Variants in ARHGEF26 observed in about 807,000 individuals in gnomAD.
The protein encoded by ARHGEF26 is Rho guanine nucleotide exchange factor (GEF) 26.
ARHGEF26 carries 59 observed loss-of-function variants against 89.4 expected under a neutral mutation model. The observed-to-expected ratio is 0.66, with a 90% confidence interval of 0.54 to 0.82. The LOEUF is 0.82. ARHGEF26 is among the 40% of genes least tolerant of loss of function. ARHGEF26 has a pLI of 0.00. For missense variants in ARHGEF26, 1,234 were observed against 1,085.6 expected, an observed-to-expected ratio of 1.14 and a Z score of -1.92; for synonymous variants, 500 against 428.4, an observed-to-expected ratio of 1.17 and a Z score of -2.06.
chr3:154,203,484 CTT>C (rs1714793390), intron 9 of ARHGEF26, among the ~76,000 whole-genome samples: 1 of 152,066 alleles, frequency 6.6e-6, no homozygotes, highest in African/African-American at 2.4e-5. Context: ...ATATCATTCT[CTT>C]GTTTGATTGT....
chr3:154,179,019 T>C (rs1444276263), intron 6 of ARHGEF26, among the ~76,000 whole-genome samples: 1 of 152,228 alleles, frequency 6.6e-6, no homozygotes, highest in East Asian at 1.9e-4. Context: ...AGGCCCAGGC[T>C]ATGTTTATAA....
chr3:154,195,467 T>C (rs1175512416), intron 9 of ARHGEF26, among the ~76,000 whole-genome samples: 1 of 152,086 alleles, frequency 6.6e-6, no homozygotes, highest in Non-Finnish European at 1.5e-5. Flanking sequence ...GATAGTTGAT[T>C]AGGCAAGGGA....
At chr3:154,124,560 C>T (rs1246711840) in intron 3 of ARHGEF26, 111 bp downstream of exon 3, 1 of 967,812 alleles carries the variant, frequency 1.0e-6, no homozygotes, top group Non-Finnish European at 1.5e-6. Flanking sequence ...ATATGTCCAA[C>T]TTCTTCTCAA....
intron 9 of ARHGEF26, among the ~76,000 whole-genome samples, chr3:154,217,648 C>T (rs1715851575): frequency 6.6e-6 from 1 of 152,152 alleles, no homozygotes; most frequent in African/African-American, 2.4e-5. Flanking sequence ...TGCAGCTTTC[C>T]CTGAGATAGG....
In ARHGEF26 at chr3:154,149,459, G is replaced by C; in HGVS notation, c.1326+14G>C. 1.2e-6 allele frequency: 2 copies of C among 1,601,066 alleles called. No homozygotes were observed. The highest frequency in any genetic ancestry group is 1.7e-6 in the Non-Finnish European group (2 of 1,173,072). ...AAGAGACAAGAGGTATGTTTCTACC[G>C]AGCAGCTGCTTTAGAGCTCTGGAGT... On this transcript the variant is annotated intron_variant, in intron 5 of 14. Coordinates refer to ENST00000465093, the MANE Select transcript of ARHGEF26 (RefSeq NM_015595.4).
In ARHGEF26 at chr3:154,122,331, A is replaced by T; in HGVS notation, c.339A>T (p.Ser113=). The part of the protein sequence containing the change: ...AASPRLRRPK[S]PKLPKAVPGG... ...CTCCTCGACTTCGACGGCCCAAGTC[A>T]CCCAAGCTCCCCAAAGCGGTGCCTG... Residue 113 remains serine, a synonymous_variant, in exon 2 of 15, where the codon TCA becomes TCT. Transcript: ENST00000465093. 6.2e-7 allele frequency: 1 copy of T among 1,612,670 alleles called. No homozygotes were observed. The highest frequency in any genetic ancestry group is 1.3e-5 in the African/African-American group (1 of 74,994).
chr3:154,194,705 AG>A lies in ARHGEF26; in HGVS notation c.1834del (p.Glu612LysfsTer21), dbSNP rs1714178634. On this transcript the variant is annotated frameshift_variant, in exon 9 of 15. Transcript: ENST00000465093. LOFTEE classifies it high-confidence loss of function. ...TATGAAGTCTGCAAAAGAGCCTTGAAGGAAGTTAGCAAGGTAACTGTTGGGT... is the reference window on the plus strand; with the variant it reads ...TATGAAGTCTGCAAAAGAGCCTTGAAGAAGTTAGCAAGGTAACTGTTGGGT... ...PKYEVCKRALKEVSKLVRLCN... is the reference protein window; with the variant it reads ...PKYEVCKRALXEVSKLVRLCN... 1.2e-6 allele frequency: 2 copies of A among 1,612,484 alleles called. No individual in the cohort carries two copies. The highest frequency in any genetic ancestry group is 8.5e-7 in the Non-Finnish European group (1 of 1,179,250).
chr3:154,253,726 T>C (rs1191698723), intron 13 of ARHGEF26, among the ~76,000 whole-genome samples: 1 of 152,216 alleles, frequency 6.6e-6, no homozygotes, highest in Non-Finnish European at 1.5e-5. Flanking sequence ...GGGGGTGTTG[T>C]ATGCCTATTA....
At chr3:154,189,518 T>C (rs796958371) in intron 7 of ARHGEF26, among the ~76,000 whole-genome samples, 18 of 152,082 alleles carry the variant, frequency 1.2e-4, no homozygotes, top group African/African-American at 4.3e-4. Flanking sequence ...TTTGTATTTT[T>C]AGTAGAGACT....
At chr3:154,209,382 G>T (rs1346067476) in intron 9 of ARHGEF26, among the ~76,000 whole-genome samples, 1 of 152,080 alleles carries the variant, frequency 6.6e-6, no homozygotes, top group African/African-American at 2.4e-5. Context: ...CACTGTTTGG[G>T]CTTATTTGTA....
intron 1 of ARHGEF26, among the ~76,000 whole-genome samples, 176 bp from the exon 2 acceptor site, chr3:154,121,766 T>A (rs1228794385): frequency 6.6e-6 from 1 of 152,174 alleles, no homozygotes; most frequent in African/African-American, 2.4e-5. Context: ...CAGCCCAGAT[T>A]TCTGCCGGGA....
At position 154,225,857 on chromosome 3, in the gene ARHGEF26, C is replaced by A; in HGVS notation, c.1937C>A (p.Pro646His). Reference protein sequence around the residue: ...INSQLEFKIKPFPLVSSSRWL... With the variant: ...INSQLEFKIKHFPLVSSSRWL... Reference sequence around the variant, plus strand: ...CACTGGGTTTTTCTCCTTTTGTAGCCTTTTCCTTTAGTCTCCTCTTCCCGG... The same window carrying A: ...CACTGGGTTTTTCTCCTTTTGTAGCATTTTCCTTTAGTCTCCTCTTCCCGG... The change falls in exon 11 of 15, where the codon CCT (proline) becomes CAT (histidine). Residue 646 changes from proline (P) to histidine (H), a missense_variant and splice_region_variant. Physicochemically the swap from Pro to His is moderately conservative, Grantham distance 77. Coordinates refer to ENST00000465093, the MANE Select transcript of ARHGEF26 (RefSeq NM_015595.4). 1.3e-6 allele frequency: 2 copies of A among 1,590,412 alleles called. No individual in the cohort carries two copies. Among genetic ancestry groups the A allele is most frequent in the South Asian group, 1.1e-5 (1 of 87,378 alleles).
At chr3:154,197,145 T>G (rs1233522264) in intron 9 of ARHGEF26, among the ~76,000 whole-genome samples, 1 of 152,194 alleles carries the variant, frequency 6.6e-6, no homozygotes, top group Non-Finnish European at 1.5e-5. Context: ...TGTGAAGAGA[T>G]GTCATTCCAG....
In ARHGEF26 at chr3:154,255,633, A is replaced by G; in HGVS notation, c.*160A>G. The G allele has an allele frequency of 7.0e-7, 1 of 1,438,036 alleles. No homozygotes were observed. The highest frequency in any genetic ancestry group is 1.4e-5 in the African/African-American group (1 of 69,742). 89.1% of individuals were successfully genotyped at this position (1,438,036 alleles called of 1,614,324 possible). ...CCAGGTTGTTCTGCTCTCTCATGAG[A>G]AGAGCTTGGATACAGTGAGTTTGCA... On this transcript the variant is annotated 3_prime_UTR_variant, in exon 15 of 15. Transcript: ENST00000465093.
intron 1 of ARHGEF26, 80 bp from the exon 2 acceptor site, chr3:154,121,862 C>T (rs1717946142): frequency 1.5e-6 from 2 of 1,302,330 alleles, no homozygotes; most frequent in Non-Finnish European, 2.1e-6. Context: ...GCAGGGGGAC[C>T]GCCGGTCTGG....
chr3:154,167,922 C>A (rs1321820415), intron 6 of ARHGEF26, among the ~76,000 whole-genome samples: 1 of 152,152 alleles, frequency 6.6e-6, no homozygotes, highest in Non-Finnish European at 1.5e-5. Context: ...TTTGTTCTTA[C>A]AATCTCCAGG....
chr3:154,253,996 A>G (rs1306934922), intron 13 of ARHGEF26, among the ~76,000 whole-genome samples: 1 of 152,194 alleles, frequency 6.6e-6, no homozygotes, highest in Non-Finnish European at 1.5e-5. Flanking sequence ...GCTCACTGCA[A>G]GCTCCGTCTC....
At chr3:154,170,858 A>G (rs1451723653) in intron 6 of ARHGEF26, among the ~76,000 whole-genome samples, 1 of 152,194 alleles carries the variant, frequency 6.6e-6, no homozygotes, top group Non-Finnish European at 1.5e-5. Context: ...GATAAATTGT[A>G]TGGTCACCCT....
rs559397686 is a variant in ARHGEF26 at position 154,121,534 on chromosome 3, G to A, written c.-52+15G>A. The A allele has an allele frequency of 6.2e-6, 1 of 161,978 alleles. No homozygotes were observed. Among genetic ancestry groups the A allele is most frequent in the South Asian group, 1.9e-4 (1 of 5,280 alleles). The allele number at this position is 161,978 out of a possible 1,614,324, so 10.0% of individuals were successfully genotyped here. ...AGCCCCAGAAGGTAAATTTGCGTGG[G>A]AGCCGCGCACCTGGAGCGCGAGGGT... On this transcript the variant is annotated intron_variant, in intron 1 of 14. Transcript: ENST00000465093.
Sources: gnomAD v4.1 joint callset for allele counts (sites outside exome capture counted in the v4.1 genomes callset) on GRCh38, gnomAD v4.1.1 for gene constraint, MANE v1.5 for transcripts, NCBI Gene and HGNC (gene_info 2026-07-23, HGNC 2026-07-21) for gene names.